Variants in MEP1B observed in about 807,000 individuals in gnomAD.
MEP1B encodes meprin A subunit beta, also known as N-benzoyl-L-tyrosyl-P-amino-benzoic acid hydrolase subunit beta.
A neutral mutation model predicts 84.6 loss-of-function variants in MEP1B; 80 were observed. That is an observed-to-expected ratio of 0.95 (90% confidence interval 0.79 to 1.14). The LOEUF (loss-of-function observed/expected upper bound fraction) is 1.14. Among genes scored for constraint, MEP1B ranks in the 50% most tolerant of loss-of-function variants. The pLI is 0.00. For missense variants in MEP1B, 766 were observed against 855.1 expected (o/e 0.90, Z 1.30); for synonymous variants, 273 against 288.1 (o/e 0.95, Z 0.53).
chr18:32,197,781 G>A (rs1320215036), intron 5 of MEP1B, among the ~76,000 whole-genome samples: 2 of 152,180 alleles, frequency 1.3e-5, no homozygotes, highest in Non-Finnish European at 2.9e-5. Context: ...GTGCAGGTTT[G>A]TTACATGGGT....
chr18:32,220,108 A>G, intron 14 of MEP1B, 123 bp from the exon 15 acceptor site: 1 of 845,024 alleles, frequency 1.2e-6, no homozygotes, highest in East Asian at 2.7e-5. Flanking sequence ...GCCAGCTAGG[A>G]GGGAGGCCAG....
rs148055022 is a variant in MEP1B at position 32,200,135 on chromosome 18, T to C, written c.251-2758T>C. On this transcript the variant is annotated intron_variant, in intron 5 of 14. Transcript: ENST00000269202. ...TAAGAGCTATTTTTCATCTTGCAAA[T>C]TGGAGGATTACCATAGTCTCTGGCG... 1.0e-3 allele frequency among the ~76,000 whole-genome samples: 158 copies of C among 152,192 alleles called. 2 individuals carry two copies. The highest frequency in any genetic ancestry group is 3.7e-3 in the African/African-American group (155 of 41,530).
chr18:32,196,882 G>T lies in MEP1B; in HGVS notation c.250+1397G>T. ...CCCATGATGTAGTGGAGGCGGGCAAGGAGGCGCAGGCAGGCTCAGATCTCC... is the reference window on the plus strand; with the variant it reads ...CCCATGATGTAGTGGAGGCGGGCAATGAGGCGCAGGCAGGCTCAGATCTCC... On this transcript the variant is annotated intron_variant, in intron 5 of 14. Transcript: ENST00000269202. The surrounding 1 kb of genome is among the most constrained non-coding windows in gnomAD (Gnocchi z 4.4). 2.1e-6 allele frequency: 1 copy of T among 472,868 alleles called. No individual in the cohort carries two copies. Among genetic ancestry groups the T allele is most frequent in the Non-Finnish European group, 4.0e-6 (1 of 251,660 alleles). The allele number at this position is 472,868 out of a possible 1,614,324, so 29.3% of individuals were successfully genotyped here.
chr18:32,196,636 T>C lies in MEP1B; in HGVS notation c.250+1151T>C, dbSNP rs2040858343. 1 of 709,920 alleles carries C rather than the reference T, an allele frequency of 1.4e-6. No homozygotes were observed. The highest frequency in any genetic ancestry group is 2.6e-6 in the Non-Finnish European group (1 of 387,148). 44.0% of individuals were successfully genotyped at this position (709,920 alleles called of 1,614,324 possible). On this transcript the variant is annotated intron_variant, in intron 5 of 14. Coordinates refer to ENST00000269202, the MANE Select transcript of MEP1B (RefSeq NM_005925.3). This position sits in a 1 kb window ranked among gnomAD's most constrained non-coding sequence, Gnocchi z 4.4. ...ATCACCCTGTGCAGCACCCGCCTGA[T>C]GTTGTCCAGCACGCCACCTCGGGGT... is the stretch of plus-strand genomic sequence containing the variant.
At chr18:32,190,238 A>G in intron 1 of MEP1B, 105 bp downstream of exon 1, 1 of 816,062 alleles carries the variant, frequency 1.2e-6, no homozygotes, top group Admixed American at 2.4e-5. Flanking sequence ...TACATCTTGA[A>G]ATGTTGATCT....
chr18:32,211,240 G>C (rs2041024143), intron 10 of MEP1B, among the ~76,000 whole-genome samples: 1 of 152,086 alleles, frequency 6.6e-6, no homozygotes, highest in South Asian at 2.1e-4. Flanking sequence ...CTGCACTCCA[G>C]CCTGCGCGAC....
intron 10 of MEP1B, among the ~76,000 whole-genome samples, chr18:32,212,134 T>TATTGATTG (rs1159646520): frequency 6.7e-6 from 1 of 150,272 alleles, no homozygotes. Context: ...TCTAAATTAA[T>TATTGATTG]ACAAATATTG....
intron 5 of MEP1B, among the ~76,000 whole-genome samples, chr18:32,201,482 A>G (rs1261177411): frequency 6.6e-6 from 1 of 152,180 alleles, no homozygotes; most frequent in African/African-American, 2.4e-5. Flanking sequence ...CCAATGTCCA[A>G]TGGATCCAAT....
chr18:32,192,671 C>T lies in MEP1B; in HGVS notation c.108C>T (p.Asp36=). ...NFDVDGGMDQ[D]IFDINEGLGL... ...ATGTAGATGGCGGAATGGACCAGGA[C>T]ATATTTGATATCAATGAAGGTTTGT... is the stretch of plus-strand genomic sequence containing the variant. The change falls in exon 3 of 15, where the codon GAC becomes GAT. Residue 36 remains aspartate (D), a synonymous_variant. Coordinates refer to ENST00000269202, the MANE Select transcript of MEP1B (RefSeq NM_005925.3). 11 of 1,613,202 alleles carry T rather than the reference C, an allele frequency of 6.8e-6. No homozygotes were observed. Among genetic ancestry groups the T allele is most frequent in the Non-Finnish European group, 9.3e-6 (11 of 1,179,374 alleles).
Position 32,196,851 on chromosome 18 carries a change from T to C in MEP1B, c.250+1366T>C. On this transcript the variant is annotated intron_variant, in intron 5 of 14. Coordinates refer to ENST00000269202, the MANE Select transcript of MEP1B (RefSeq NM_005925.3). This position sits in a 1 kb window ranked among gnomAD's most constrained non-coding sequence, Gnocchi z 4.4. ...CTGCTGGCTTCTCAGGGCCTCTGCG[T>C]ACTTGCCCATGATGTAGTGGAGGCG... is the stretch of plus-strand genomic sequence containing the variant. 1.8e-6 allele frequency: 1 copy of C among 542,730 alleles called. No individual in the cohort carries two copies. The highest frequency in any genetic ancestry group is 1.9e-5 in the South Asian group (1 of 51,644). 33.6% of individuals were successfully genotyped at this position (542,730 alleles called of 1,614,324 possible).
intron 1 of MEP1B, among the ~76,000 whole-genome samples, chr18:32,191,207 G>GTT (rs35217231): frequency 3.9e-5 from 5 of 128,448 alleles, no homozygotes; most frequent in African/African-American, 8.5e-5. Context: ...TTACTTAGTT[G>GTT]TTTTTTTTTT....
At chr18:32,199,396 AG>A (rs2040886300) in intron 5 of MEP1B, among the ~76,000 whole-genome samples, 1 of 152,144 alleles carries the variant, frequency 6.6e-6, no homozygotes, top group Admixed American at 6.5e-5. Flanking sequence ...CTGGTATAGA[AG>A]GAAGATCTAG....
intron 12 of MEP1B, among the ~76,000 whole-genome samples, chr18:32,216,014 A>C (rs2041086198): frequency 1.2e-5 from 1 of 82,276 alleles, no homozygotes; most frequent in African/African-American, 4.3e-5. Flanking sequence ...ATATATATAT[A>C]TATATCTTGA....
rs2040925948 is a variant in MEP1B, at chr18:32,202,898, A to C, written c.256A>C (p.Asn86His). The change falls in exon 6 of 15, where the codon AAT (asparagine) becomes CAT (histidine). Residue 86 changes from asparagine to histidine, a missense_variant. Transcript: ENST00000269202. ...PYVLEDSLEM[N>H]AKGVILNAFE... The stretch of plus-strand genomic sequence containing the variant: ...TGTTTGTTTTCTTCCTTCAGAAATG[A>C]ATGCTAAGGGAGTTATCCTCAATGC... 6.3e-7 allele frequency: 1 copy of C among 1,594,416 alleles called. No individual in the cohort carries two copies. The highest frequency in any genetic ancestry group is 1.7e-5 in the Admixed American group (1 of 59,106).
intron 5 of MEP1B, among the ~76,000 whole-genome samples, chr18:32,199,080 G>A (rs758585017): frequency 6.6e-6 from 1 of 152,178 alleles, no homozygotes; most frequent in Non-Finnish European, 1.5e-5. Flanking sequence ...TGAGGAGCAT[G>A]AGACAGAGAA....
intron 5 of MEP1B, among the ~76,000 whole-genome samples, chr18:32,202,510 AT>A (rs1203058783): frequency 6.6e-6 from 1 of 152,226 alleles, no homozygotes; most frequent in Admixed American, 6.5e-5. Flanking sequence ...AGATCCTCAG[AT>A]TAAAAGCCCA....
At chr18:32,200,483 C>T (rs1350556051) in intron 5 of MEP1B, among the ~76,000 whole-genome samples, 2 of 151,964 alleles carry the variant, frequency 1.3e-5, no homozygotes, top group Admixed American at 1.3e-4. Context: ...TTTCTATGTT[C>T]AAATTAAGAA....
In MEP1B at chr18:32,220,319, T is replaced by C; in HGVS notation, c.*74T>C. 1 of 1,329,984 alleles carries C rather than the reference T, an allele frequency of 7.5e-7. No individual in the cohort carries two copies. Among genetic ancestry groups the C allele is most frequent in the Non-Finnish European group, 1.1e-6 (1 of 938,754 alleles). The allele number at this position is 1,329,984 out of a possible 1,614,324, so 82.4% of individuals were successfully genotyped here. On this transcript the variant is annotated 3_prime_UTR_variant, in exon 15 of 15. Transcript: ENST00000269202. The stretch of plus-strand genomic sequence containing the variant: ...CATCATGGATTTCGCCTAAGTGATA[T>C]TACAGCCACCTCATTCTTCTAAAAG...
chr18:32,215,767 T>C, intron 12 of MEP1B, among the ~76,000 whole-genome samples: 1 of 152,042 alleles, frequency 6.6e-6, no homozygotes, highest in Non-Finnish European at 1.5e-5. Context: ...GAGCTTGCAG[T>C]GAGCCAAGTT....
Sources: allele counts gnomAD v4.1 joint callset (sites outside exome capture counted in the v4.1 genomes callset), GRCh38; gene constraint gnomAD v4.1.1; non-coding constraint Gnocchi (gnomAD v3.1); transcripts MANE v1.5; gene names NCBI Gene and HGNC (gene_info 2026-07-23, HGNC 2026-07-21).